PARD3B: variants seen among roughly 807,000 people sequenced by gnomAD.
PARD3B encodes partitioning defective 3 homolog B.
Under a neutral mutation model 130.2 loss-of-function variants are expected in PARD3B, and 103 were observed. That is an observed-to-expected ratio of 0.79 (90% CI 0.67 to 0.93). The LOEUF is 0.93. Among genes scored for constraint, PARD3B ranks in the 40% least tolerant of loss-of-function variants. The probability of loss-of-function intolerance (pLI) is 0.00; values close to 1 mark genes in which losing one functional copy is unlikely to be tolerated. For missense variants in PARD3B, 1,609 were observed against 1,499.2 expected, an observed-to-expected ratio of 1.07 and a Z score of -1.21; for synonymous variants, 583 against 553.2, an observed-to-expected ratio of 1.05 and a Z score of -0.76.
At chr2:204,875,643 A>G (rs1411077805) in intron 2 of PARD3B, among the ~76,000 whole-genome samples, 3 of 152,132 alleles carry the variant, frequency 2.0e-5, no homozygotes, top group East Asian at 3.9e-4. Context: ...CAAAGACTGT[A>G]TGTTGTAACT....
intron 22 of PARD3B, among the ~76,000 whole-genome samples, chr2:205,608,447 C>T (rs547241758): frequency 6.6e-6 from 1 of 152,320 alleles, no homozygotes; most frequent in Admixed American, 6.5e-5. Flanking sequence ...AAAGCCTGTT[C>T]TGTGGATAAA....
chr2:205,077,175 G>C (rs1246198956), intron 4 of PARD3B, among the ~76,000 whole-genome samples: 1 of 152,188 alleles, frequency 6.6e-6, no homozygotes, highest in Non-Finnish European at 1.5e-5. Context: ...GAGAGGGAGG[G>C]AGGGAGGAGT....
intron 2 of PARD3B, among the ~76,000 whole-genome samples, chr2:204,938,634 G>A (rs528254296): frequency 1.3e-5 from 2 of 152,332 alleles, no homozygotes; most frequent in East Asian, 3.9e-4. Flanking sequence ...CCATGGAAGT[G>A]CATTAAAATC....
chr2:204,853,544 G>T (rs1348441102), intron 2 of PARD3B, among the ~76,000 whole-genome samples: 1 of 152,112 alleles, frequency 6.6e-6, no homozygotes, highest in Non-Finnish European at 1.5e-5. Context: ...AGCTGGCAAT[G>T]GAAGTCAGTA....
chr2:205,577,146 T>G (rs2053791147), intron 22 of PARD3B, among the ~76,000 whole-genome samples: 1 of 152,232 alleles, frequency 6.6e-6, no homozygotes. Context: ...TTTTGTCTTC[T>G]GCAACCTTGC....
At chr2:205,132,159 GAT>G (rs2032064458) in intron 10 of PARD3B, among the ~76,000 whole-genome samples, 1 of 152,156 alleles carries the variant, frequency 6.6e-6, no homozygotes, top group East Asian at 1.9e-4. Context: ...TTGAATGAGA[GAT>G]ATTAAGTGCA....
chr2:205,073,891 A>G (rs1375875150), intron 4 of PARD3B, among the ~76,000 whole-genome samples: 5 of 152,170 alleles, frequency 3.3e-5, no homozygotes, highest in African/African-American at 4.8e-5. Context: ...ATAAACAACA[A>G]ATTGAAGCTG....
In PARD3B at chr2:205,183,227, C is replaced by T. The variant is rs551389066; in HGVS notation, c.1925-2537C>T. On this transcript the variant is annotated intron_variant, in intron 13 of 22. Coordinates refer to ENST00000406610, the MANE Select transcript of PARD3B (RefSeq NM_001302769.2). The surrounding 1 kb of genome is among the most constrained non-coding windows in gnomAD (Gnocchi z 5.2). ...GTGTTGGCAGGGAATGGTAAGCTAA[C>T]GGGTAATGGGAGATAAAGTTGTTTG... is the stretch of plus-strand genomic sequence containing the variant. Among the ~76,000 whole-genome samples, 11 of 152,138 alleles carry T rather than the reference C, an allele frequency of 7.2e-5. No individual in the cohort carries two copies. In the East Asian group the frequency reaches 7.7e-4, roughly 11 times the overall value.
At chr2:205,536,951 T>C (rs1345193427) in intron 21 of PARD3B, among the ~76,000 whole-genome samples, 1 of 152,194 alleles carries the variant, frequency 6.6e-6, no homozygotes, top group Non-Finnish European at 1.5e-5. Context: ...TTCTAACATA[T>C]AAATCAACTC....
intron 20 of PARD3B, among the ~76,000 whole-genome samples, chr2:205,459,694 G>T (rs2048386013): frequency 6.6e-6 from 1 of 152,096 alleles, no homozygotes. Flanking sequence ...CCTGAAGGCT[G>T]CCTCTTCCCA....
chr2:205,271,665 T>A (rs944017832), intron 16 of PARD3B, among the ~76,000 whole-genome samples: 2 of 152,160 alleles, frequency 1.3e-5, no homozygotes, highest in Non-Finnish European at 2.9e-5. Context: ...ACTTTTCAGA[T>A]CTTCATTATT....
chr2:205,615,912 C>A lies in PARD3B; in HGVS notation c.*99C>A. 9.8e-7 allele frequency: 1 copy of A among 1,016,340 alleles called. No homozygotes were observed. The highest frequency in any genetic ancestry group is 1.5e-6 in the Non-Finnish European group (1 of 680,966). 63.0% of individuals were successfully genotyped at this position (1,016,340 alleles called of 1,614,324 possible). A position where few individuals can be genotyped will look rare whatever the true frequency, so the allele number is the denominator to read the frequency against. The stretch of plus-strand genomic sequence containing the variant: ...GACCTCCTTGGTGTTAGGAATTCTC[C>A]ATGTTACTGATAAGCTTTTTCTCAC... On this transcript the variant is annotated 3_prime_UTR_variant, in exon 23 of 23. Transcript: ENST00000406610.
chr2:204,759,556 A>G (rs922895373), intron 2 of PARD3B, among the ~76,000 whole-genome samples: 2 of 152,086 alleles, frequency 1.3e-5, no homozygotes, highest in African/African-American at 4.8e-5. Context: ...ATTATAGTTC[A>G]CTATATGGCC....
intron 2 of PARD3B, among the ~76,000 whole-genome samples, chr2:204,864,335 TGAA>T (rs2045327066): frequency 6.6e-6 from 1 of 152,174 alleles, no homozygotes; most frequent in South Asian, 2.1e-4. Context: ...ACCTGGGACT[TGAA>T]AAGCCCCAAA....
At chr2:205,254,256 T>C (rs1370140117) in intron 16 of PARD3B, among the ~76,000 whole-genome samples, 1 of 152,046 alleles carries the variant, frequency 6.6e-6, no homozygotes, top group East Asian at 1.9e-4. Context: ...GTTTTAAATC[T>C]TAAGTTTTTT....
chr2:205,115,949 T>C (rs1407565157), intron 6 of PARD3B, among the ~76,000 whole-genome samples: 3 of 152,146 alleles, frequency 2.0e-5, no homozygotes, highest in Non-Finnish European at 4.4e-5. Flanking sequence ...TTTTTTTTCT[T>C]TTAGAAAAAT....
chr2:205,320,123 G>A (rs2042697805), intron 18 of PARD3B, among the ~76,000 whole-genome samples: 1 of 142,370 alleles, frequency 7.0e-6, no homozygotes, highest in Admixed American at 7.4e-5. Flanking sequence ...CTGAGATCAC[G>A]CCGCTGCACT....
chr2:205,114,909 A>G (rs1703921054), intron 6 of PARD3B, among the ~76,000 whole-genome samples: 1 of 152,208 alleles, frequency 6.6e-6, no homozygotes, highest in Admixed American at 6.5e-5. Context: ...ATGGCATAGG[A>G]CAAACTGAGG....
In PARD3B at chr2:205,281,225, G is replaced by T. The variant is rs537989758; in HGVS notation, c.2186-19305G>T. 1.3e-5 allele frequency among the ~76,000 whole-genome samples: 2 copies of T among 152,288 alleles called. No individual in the cohort carries two copies. Among genetic ancestry groups the T allele is most frequent in the East Asian group, 1.9e-4 (1 of 5,178 alleles). On this transcript the variant is annotated intron_variant, in intron 16 of 22. Coordinates refer to ENST00000406610, the MANE Select transcript of PARD3B (RefSeq NM_001302769.2). This position sits in a 1 kb window ranked among gnomAD's most constrained non-coding sequence, Gnocchi z 4.2. ...GACAGGTGCAAGAAAGAAGGGGCAG[G>T]TCTAAAGACAAAAGGGTTGGGGATG...
Sources: allele counts gnomAD v4.1 joint callset (sites outside exome capture counted in the v4.1 genomes callset), GRCh38; gene constraint gnomAD v4.1.1; non-coding constraint Gnocchi (gnomAD v3.1); transcripts MANE v1.5; gene names NCBI Gene and HGNC (gene_info 2026-07-23, HGNC 2026-07-21).